Variants in THSD7B observed in about 807,000 individuals in gnomAD.
The protein encoded by THSD7B is thrombospondin type 1 domain containing 7B.
A neutral mutation model predicts 213.6 loss-of-function variants in THSD7B; 138 were observed. The observed-to-expected ratio is 0.65, with a 90% confidence interval of 0.56 to 0.74. THSD7B has a LOEUF of 0.74. Ranked by LOEUF, THSD7B falls within the 30% of genes least tolerant of loss-of-function variation. THSD7B has a pLI of 0.00. For synonymous variants in THSD7B, 742 were observed against 687.0 expected, an observed-to-expected ratio of 1.08 and a Z score of -1.25; for missense variants, 1,931 against 1,991.5, an observed-to-expected ratio of 0.97 and a Z score of 0.58.
intron 1 of THSD7B, among the ~76,000 whole-genome samples, chr2:136,792,281 A>G (rs1165224820): frequency 1.3e-5 from 2 of 151,988 alleles, no homozygotes; most frequent in African/African-American, 4.8e-5. Context: ...ATAATGAATG[A>G]TTCCAACTAT....
intron 7 of THSD7B, among the ~76,000 whole-genome samples, chr2:137,222,385 A>G (rs1681390231): frequency 1.3e-5 from 2 of 152,212 alleles, no homozygotes; most frequent in African/African-American, 2.4e-5. Context: ...TATTTGCTCC[A>G]ATATTTTCCT....
At chr2:137,041,162 A>T (rs371212414) in intron 2 of THSD7B, among the ~76,000 whole-genome samples, 90 of 152,310 alleles carry the variant, frequency 5.9e-4, no homozygotes, top group African/African-American at 2.0e-3. Context: ...GTGTTTAATC[A>T]ATTTTTATGT....
intron 14 of THSD7B, among the ~76,000 whole-genome samples, chr2:137,420,644 A>G (rs1221991219): frequency 2.0e-5 from 3 of 152,212 alleles, no homozygotes; most frequent in Non-Finnish European, 4.4e-5. Flanking sequence ...CAGCTGGCAG[A>G]GTGTCAGCAA....
chr2:137,444,727 G>A (rs1437807026), intron 14 of THSD7B, among the ~76,000 whole-genome samples: 1 of 151,832 alleles, frequency 6.6e-6, no homozygotes, highest in Admixed American at 6.6e-5. Context: ...TCTTGAATGA[G>A]ACCTCAAAAG....
chr2:137,108,961 A>G (rs147006403), intron 4 of THSD7B, among the ~76,000 whole-genome samples: 1 of 152,288 alleles, frequency 6.6e-6, no homozygotes, highest in African/African-American at 2.4e-5. Context: ...AGTGCCAGGA[A>G]ATTTTGCTGC....
At chr2:136,812,313 A>G (rs748596266) in intron 1 of THSD7B, among the ~76,000 whole-genome samples, 2 of 152,240 alleles carry the variant, frequency 1.3e-5, no homozygotes, top group Non-Finnish European at 2.9e-5. Context: ...AAAAATTTTA[A>G]TGGCATAGCC....
intron 5 of THSD7B, among the ~76,000 whole-genome samples, chr2:137,134,743 C>T (rs1679397503): frequency 6.6e-6 from 1 of 152,164 alleles, no homozygotes; most frequent in Non-Finnish European, 1.5e-5. Flanking sequence ...GAACAAGAGG[C>T]TCAATTTTCT....
intron 1 of THSD7B, among the ~76,000 whole-genome samples, chr2:136,813,530 G>T (rs1466300655): frequency 6.6e-6 from 1 of 152,132 alleles, no homozygotes; most frequent in Non-Finnish European, 1.5e-5. Context: ...GACAGCTGAA[G>T]GTTTTTAACT....
At chr2:137,375,549 A>C (rs1010303642) in intron 12 of THSD7B, among the ~76,000 whole-genome samples, 1 of 152,232 alleles carries the variant, frequency 6.6e-6, no homozygotes. Context: ...TTCATTAAAA[A>C]GTCTTGTGCA....
At chr2:137,548,972 A>G (rs1415249910) in intron 15 of THSD7B, among the ~76,000 whole-genome samples, 4 of 152,044 alleles carry the variant, frequency 2.6e-5, no homozygotes, top group Admixed American at 6.6e-5. Context: ...TCCTAGAGAA[A>G]AGGAATAGCA....
At chr2:137,655,236 A>G (rs1683212727) in intron 21 of THSD7B, among the ~76,000 whole-genome samples, 1 of 152,204 alleles carries the variant, frequency 6.6e-6, no homozygotes, top group African/African-American at 2.4e-5. Context: ...TTTTTTAGTC[A>G]ATCTTGGCTG....
intron 12 of THSD7B, among the ~76,000 whole-genome samples, chr2:137,361,814 A>T (rs906462921): frequency 2.0e-5 from 3 of 152,206 alleles, no homozygotes; most frequent in African/African-American, 7.2e-5. Flanking sequence ...ACTCTTCAGG[A>T]TATTATCCAG....
At chr2:137,518,746 C>T (rs552211921) in intron 15 of THSD7B, among the ~76,000 whole-genome samples, 127 of 152,266 alleles carry the variant, frequency 8.3e-4, no homozygotes, top group Admixed American at 1.2e-3. Flanking sequence ...ATGGAGGTTA[C>T]GCATGGGCTC....
At chr2:136,937,797 G>T (rs1032342595) in intron 2 of THSD7B, among the ~76,000 whole-genome samples, 1 of 152,168 alleles carries the variant, frequency 6.6e-6, no homozygotes, top group Non-Finnish European at 1.5e-5. Flanking sequence ...TTCAGAAAAA[G>T]CTACATCTTC....
chr2:136,784,468 G>A (rs2433922), intron 1 of THSD7B, among the ~76,000 whole-genome samples: 1 of 151,944 alleles, frequency 6.6e-6, no homozygotes, highest in East Asian at 1.9e-4. Context: ...TATTTTGTAG[G>A]CTCCATTCTT....
At position 136,908,427 on chromosome 2, in the gene THSD7B, T is replaced by C. The variant is rs191750761; in HGVS notation, c.139+26110T>C. 1.2e-4 allele frequency among the ~76,000 whole-genome samples: 18 copies of C among 152,236 alleles called. No homozygotes were observed. In the East Asian group the frequency reaches 2.7e-3, roughly 23 times the overall value. The stretch of plus-strand genomic sequence containing the variant: ...TCACGTAGTGAAATGAGTAGCAAAA[T>C]TGGAATTTGAACTAGAATATAATTG... On this transcript the variant is annotated intron_variant, in intron 2 of 27. Transcript: ENST00000409968.
At chr2:137,436,959 T>C (rs1687306132) in intron 14 of THSD7B, among the ~76,000 whole-genome samples, 1 of 152,158 alleles carries the variant, frequency 6.6e-6, no homozygotes, top group Admixed American at 6.6e-5. Flanking sequence ...TTGTGTCACT[T>C]AATTTTGCAC....
chr2:137,295,229 G>A (rs1423537827), intron 12 of THSD7B, among the ~76,000 whole-genome samples: 1 of 151,976 alleles, frequency 6.6e-6, no homozygotes, highest in Admixed American at 6.6e-5. Context: ...CATAACAAAT[G>A]GTAAAGAAAA....
At chr2:137,498,296 G>A (rs1380555418) in intron 15 of THSD7B, among the ~76,000 whole-genome samples, 1 of 151,280 alleles carries the variant, frequency 6.6e-6, no homozygotes, top group African/African-American at 2.4e-5. Flanking sequence ...AGACTGTTTA[G>A]GTCAGTATAT....
Sources: allele counts gnomAD v4.1 joint callset (sites outside exome capture counted in the v4.1 genomes callset), GRCh38; gene constraint gnomAD v4.1.1; transcripts MANE v1.5; gene names NCBI Gene and HGNC (gene_info 2026-07-23, HGNC 2026-07-21).